NPAS3: variants seen among roughly 807,000 people sequenced by gnomAD.
NPAS3 encodes neuronal PAS domain protein 3.
In NPAS3, 14 loss-of-function variants were observed where a neutral mutation model predicts 73.1. The observed-to-expected ratio is 0.19, with a 90% CI of 0.13 to 0.30. The LOEUF (loss-of-function observed/expected upper bound fraction) is 0.30. Ranked by LOEUF, NPAS3 falls within the 10% of genes least tolerant of loss-of-function variation. The probability of loss-of-function intolerance (pLI) is 1.00; values close to 1 mark genes in which losing one functional copy is unlikely to be tolerated. For synonymous variants in NPAS3, 620 were observed against 541.5 expected (o/e 1.14, Z -2.01); for missense variants, 1,096 against 1,250.0 (o/e 0.88, Z 1.86).
At chr14:33,178,169 G>A (rs1426985837) in intron 2 of NPAS3, among the ~76,000 whole-genome samples, 1 of 150,832 alleles carries the variant, frequency 6.6e-6, no homozygotes, top group Non-Finnish European at 1.5e-5. Context: ...CTGCCTCCTG[G>A]GTTCAAGTGA....
chr14:33,612,753 T>C (rs1297743444), intron 5 of NPAS3, among the ~76,000 whole-genome samples: 3 of 152,204 alleles, frequency 2.0e-5, no homozygotes, highest in South Asian at 2.1e-4. Context: ...CTCCCTCCCG[T>C]AAACTGGTGA....
chr14:33,361,335 A>G (rs144736482), intron 3 of NPAS3, among the ~76,000 whole-genome samples: 2 of 152,360 alleles, frequency 1.3e-5, no homozygotes, highest in African/African-American at 4.8e-5. Flanking sequence ...GTAGAAAATG[A>G]TAAACATTTT....
intron 4 of NPAS3, among the ~76,000 whole-genome samples, chr14:33,481,793 A>T (rs1432956510): frequency 1.3e-5 from 2 of 151,808 alleles, no homozygotes; most frequent in Non-Finnish European, 2.9e-5. Context: ...CAAAAAAATA[A>T]AAAAAAATAG....
intron 5 of NPAS3, among the ~76,000 whole-genome samples, chr14:33,639,506 A>T (rs1178262084): frequency 6.6e-6 from 1 of 152,196 alleles, no homozygotes; most frequent in Non-Finnish European, 1.5e-5. Context: ...GATGGAGTTC[A>T]CACTAGAGAT....
chr14:32,960,556 A>C (rs1203115166), intron 1 of NPAS3, among the ~76,000 whole-genome samples: 2 of 152,202 alleles, frequency 1.3e-5, no homozygotes, highest in Non-Finnish European at 2.9e-5. Context: ...CAGCTATTTC[A>C]TGCACTATTA....
chr14:33,624,519 G>C lies in NPAS3; in HGVS notation c.559-51692G>C, dbSNP rs147552151. ...AGAGGTCCTTGGCATAAAGAATAAA[G>C]AGAACCACTGGTTTAGAATGCCCCC... On this transcript the variant is annotated intron_variant, in intron 5 of 11. Transcript: ENST00000356141. 6.7e-3 allele frequency among the ~76,000 whole-genome samples: 1,008 copies of C among 151,118 alleles called. 7 individuals are homozygous for C. Among genetic ancestry groups the C allele is most frequent in the Non-Finnish European group, 9.9e-3 (672 of 67,936 alleles).
intron 5 of NPAS3, among the ~76,000 whole-genome samples, chr14:33,582,912 A>G (rs1198052896): frequency 6.6e-6 from 1 of 150,594 alleles, no homozygotes; most frequent in Non-Finnish European, 1.5e-5. Context: ...GATTTTAGTT[A>G]AAAATACATA....
chr14:33,545,472 G>C (rs2139665564), intron 4 of NPAS3, among the ~76,000 whole-genome samples: 1 of 152,268 alleles, frequency 6.6e-6, no homozygotes, highest in East Asian at 1.9e-4. Context: ...ATAATATATA[G>C]ATGTTGTTCT....
chr14:33,529,700 A>AAAC (rs2140165967), intron 4 of NPAS3, among the ~76,000 whole-genome samples: 1 of 152,100 alleles, frequency 6.6e-6, no homozygotes, highest in East Asian at 1.9e-4. Context: ...GCTGTCATCA[A>AAAC]AACTGAGTTC....
chr14:33,451,067 C>T (rs2049768874), intron 4 of NPAS3, among the ~76,000 whole-genome samples: 2 of 152,156 alleles, frequency 1.3e-5, no homozygotes, highest in East Asian at 1.9e-4. Flanking sequence ...AATTGTTTAT[C>T]GTTCCAGCTA....
chr14:33,778,791 G>T (rs1012108864), intron 9 of NPAS3, among the ~76,000 whole-genome samples: 1 of 152,200 alleles, frequency 6.6e-6, no homozygotes, highest in Non-Finnish European at 1.5e-5. Flanking sequence ...GGATCTTTAG[G>T]CACTCACCCA....
At chr14:32,972,938 T>C (rs2037498421) in intron 1 of NPAS3, among the ~76,000 whole-genome samples, 1 of 152,206 alleles carries the variant, frequency 6.6e-6, no homozygotes, top group Non-Finnish European at 1.5e-5. Flanking sequence ...CAGCTCATTT[T>C]AATGGTTAGC....
At chr14:33,192,431 G>T (rs1217278535) in intron 2 of NPAS3, among the ~76,000 whole-genome samples, 1 of 152,178 alleles carries the variant, frequency 6.6e-6, no homozygotes, top group East Asian at 1.9e-4. Flanking sequence ...CTTGAGGTGT[G>T]GTATGAGTTC....
intron 4 of NPAS3, among the ~76,000 whole-genome samples, chr14:33,538,222 G>T (rs2054343657): frequency 6.6e-6 from 1 of 152,244 alleles, no homozygotes; most frequent in South Asian, 2.1e-4. Flanking sequence ...ACCCATACAA[G>T]GCTTGTAGCT....
intron 2 of NPAS3, among the ~76,000 whole-genome samples, chr14:33,085,949 C>T (rs1050875696): frequency 6.6e-6 from 1 of 152,106 alleles, no homozygotes; most frequent in South Asian, 2.1e-4. Context: ...ATAGTGCACT[C>T]ATAAAAAAGA....
chr14:33,476,748 G>A (rs189291863), intron 4 of NPAS3, among the ~76,000 whole-genome samples: 8 of 152,210 alleles, frequency 5.3e-5, no homozygotes, highest in Admixed American at 5.2e-4. Flanking sequence ...TTTCCACCTG[G>A]CCCCTTTACC....
At chr14:33,770,178 G>A (rs1037668465) in intron 7 of NPAS3, among the ~76,000 whole-genome samples, 3 of 152,168 alleles carry the variant, frequency 2.0e-5, no homozygotes, top group Admixed American at 2.0e-4. Flanking sequence ...AGACTTGCTG[G>A]TTTATTCCAA....
chr14:33,624,350 G>A (rs928157360), intron 5 of NPAS3, among the ~76,000 whole-genome samples: 7 of 152,174 alleles, frequency 4.6e-5, no homozygotes, highest in African/African-American at 1.4e-4. Context: ...AAGTTGTGTT[G>A]CATTTGGTTT....
At chr14:33,421,759 A>T (rs953710067) in intron 4 of NPAS3, among the ~76,000 whole-genome samples, 2 of 152,004 alleles carry the variant, frequency 1.3e-5, no homozygotes, top group Non-Finnish European at 2.9e-5. Flanking sequence ...AGTCAATGAT[A>T]CTGTTAATGA....
Sources: allele counts gnomAD v4.1 joint callset (sites outside exome capture counted in the v4.1 genomes callset), GRCh38; gene constraint gnomAD v4.1.1; transcripts MANE v1.5; gene names NCBI Gene and HGNC (gene_info 2026-07-23, HGNC 2026-07-21).